Variants in RELL2 observed in about 807,000 individuals in gnomAD.
RELL2 encodes the protein RELT like 2, also known as RELT-like protein 2.
Under a neutral mutation model 27.5 loss-of-function variants are expected in RELL2, and 18 were observed. The observed-to-expected ratio is 0.65, with a 90% CI of 0.45 to 0.97. The LOEUF is 0.97. Among genes scored for constraint, RELL2 ranks in the 50% least tolerant of loss-of-function variants. The pLI, the probability that RELL2 is intolerant of heterozygous loss-of-function variation, is 0.00. For missense variants in RELL2, 370 were observed against 397.5 expected, an observed-to-expected ratio of 0.93 and a Z score of 0.59; for synonymous variants, 156 against 147.5, an observed-to-expected ratio of 1.06 and a Z score of -0.42.
In RELL2 at chr5:141,640,433, G is replaced by C; in HGVS notation, c.901G>C (p.Gly301Arg). The change falls in exon 6 of 7, where the codon GGG (glycine) becomes CGG (arginine). Residue 301 changes from glycine to arginine, a missense_variant. Gly to Arg is a moderately radical substitution (Grantham distance 125). Coordinates refer to ENST00000297164, the MANE Select transcript of RELL2 (RefSeq NM_173828.5). Reference sequence around the variant, plus strand: ...TCAGGTGTCTCTACCACAGGGAGCAGGGAGTATGTGAGGTGAGTCTGCCTG... The same window carrying C: ...TCAGGTGTCTCTACCACAGGGAGCACGGAGTATGTGAGGTGAGTCTGCCTG... ...DHQVSLPQGA[G>R]SM 6.2e-7 allele frequency: 1 copy of C among 1,614,182 alleles called. No homozygotes were observed. Among genetic ancestry groups the C allele is most frequent in the Non-Finnish European group, 8.5e-7 (1 of 1,180,012 alleles).
At chr5:141,640,372 C>A (rs2099906706) in intron 5 of RELL2, 40 bp from the exon 6 acceptor site, 1 of 1,614,140 alleles carries the variant, frequency 6.2e-7, no homozygotes, top group South Asian at 1.1e-5. Context: ...ATAGGACCTA[C>A]TCCTGGTCTC....
chr5:141,638,059 C>G lies in RELL2; in HGVS notation c.-167C>G. 1.6e-6 allele frequency: 1 copy of G among 608,454 alleles called. No individual in the cohort carries two copies. Among genetic ancestry groups the G allele is most frequent in the Non-Finnish European group, 2.9e-6 (1 of 342,150 alleles). The allele number at this position is 608,454 out of a possible 1,614,324, so 37.7% of individuals were successfully genotyped here. ...CGAAAGGCGAAACAGCACTCCTGGC[C>G]CGGACAGCTCCCTGGTTGGGTAGGG... On this transcript the variant is annotated 5_prime_UTR_variant, in exon 1 of 7. Transcript: ENST00000297164.
In RELL2 at chr5:141,640,043, A is replaced by G. The variant is rs765309159; in HGVS notation, c.627A>G (p.Gly209=). ...QDPGGGQGSG[G]GQPKAGMPAM... ...CAGGGGGTGGTCAGGGGTCTGGGGG[A>G]GGGCAGCCCAAGGCAGGGATGCCTG... Residue 209 remains glycine, a synonymous_variant, in exon 5 of 7, where the codon GGA becomes GGG. Coordinates refer to ENST00000297164, the MANE Select transcript of RELL2 (RefSeq NM_173828.5). 6.2e-7 allele frequency: 1 copy of G among 1,613,230 alleles called. No homozygotes were observed. The highest frequency in any genetic ancestry group is 1.1e-5 in the South Asian group (1 of 91,064).
Position 141,638,121 on chromosome 5 carries a change from C to G in RELL2, c.-105C>G. The G allele has an allele frequency of 1.3e-6, 1 of 746,854 alleles. No individual in the cohort carries two copies. The highest frequency in any genetic ancestry group is 2.3e-6 in the Non-Finnish European group (1 of 439,612). The allele number at this position is 746,854 out of a possible 1,614,324, so 46.3% of individuals were successfully genotyped here. A position where few individuals can be genotyped will look rare whatever the true frequency, so the allele number is the denominator to read the frequency against. Reference sequence around the variant, plus strand: ...ACCTCAGCCGGACGTCTTAGACGTGCTTGTTTCAGATCCTGAGGACGGCAT... The same window carrying G: ...ACCTCAGCCGGACGTCTTAGACGTGGTTGTTTCAGATCCTGAGGACGGCAT... On this transcript the variant is annotated 5_prime_UTR_variant, in exon 1 of 7. Coordinates refer to ENST00000297164, the MANE Select transcript of RELL2 (RefSeq NM_173828.5).
Position 141,638,283 on chromosome 5 carries a change from C to T in RELL2, c.58C>T (p.Leu20=), listed in dbSNP as rs2099906380. The change falls in exon 1 of 7, where the codon CTG becomes TTG. Residue 20 remains leucine, a synonymous_variant. Transcript: ENST00000297164. ...PPQHGLYMLF[L]LVLVFFLMGL... Reference sequence around the variant, plus strand: ...CCAACATGGGCTATATATGCTCTTCCTGCTTGTGCTGGTCTTCTTCCTCAT... The same window carrying T: ...CCAACATGGGCTATATATGCTCTTCTTGCTTGTGCTGGTCTTCTTCCTCAT... The T allele has an allele frequency of 2.5e-6, 4 of 1,613,944 alleles. No homozygotes were observed. Among genetic ancestry groups the T allele is most frequent in the Non-Finnish European group, 3.4e-6 (4 of 1,180,006 alleles).
At position 141,639,398 on chromosome 5, in the gene RELL2, C is replaced by T. The variant is rs1002461059; in HGVS notation, c.318-66C>T. On this transcript the variant is annotated intron_variant, in intron 3 of 6. Coordinates refer to ENST00000297164, the MANE Select transcript of RELL2 (RefSeq NM_173828.5). The surrounding 1 kb of genome is among the most constrained non-coding windows in gnomAD (Gnocchi z 4.4). Reference sequence around the variant, plus strand: ...GGTTTTAAGGAGCATGCTGAAAGAACGTAAGAAACAAAACATGAAGGGAAA... The same window carrying T: ...GGTTTTAAGGAGCATGCTGAAAGAATGTAAGAAACAAAACATGAAGGGAAA... 1.2e-5 allele frequency: 17 copies of T among 1,372,362 alleles called. No individual in the cohort carries two copies. In the African/African-American group the frequency reaches 1.5e-4, roughly 12 times the overall value. The allele number at this position is 1,372,362 out of a possible 1,614,324, so 85.0% of individuals were successfully genotyped here.
rs890385733 is a variant in RELL2 at position 141,638,092 on chromosome 5, C to A, written c.-134C>A. ...CTCCCTGGTTGGGTAGGGGGTGGGG[C>A]CGGACCTCAGCCGGACGTCTTAGAC... On this transcript the variant is annotated 5_prime_UTR_variant, in exon 1 of 7. Coordinates refer to ENST00000297164, the MANE Select transcript of RELL2 (RefSeq NM_173828.5). 3 of 665,702 alleles carry A rather than the reference C, an allele frequency of 4.5e-6. No individual in the cohort carries two copies. The highest frequency in any genetic ancestry group is 5.3e-6 in the Non-Finnish European group (2 of 378,780). 41.2% of individuals were successfully genotyped at this position (665,702 alleles called of 1,614,324 possible). A position where few individuals can be genotyped will look rare whatever the true frequency, so the allele number is the denominator to read the frequency against.
In RELL2 at chr5:141,639,674, G is replaced by A. The variant is rs773503771; in HGVS notation, c.503+25G>A. The A allele has an allele frequency of 3.2e-6, 5 of 1,579,532 alleles. No individual in the cohort carries two copies. Among genetic ancestry groups the A allele is most frequent in the African/African-American group, 1.4e-5 (1 of 73,494 alleles). ...GGTGGGGCAGGTGCTCCAGGGAAAG[G>A]GGGGCTGAGGTAGGGGGCCCAGTGA... On this transcript the variant is annotated intron_variant, in intron 4 of 6. Transcript: ENST00000297164. The surrounding 1 kb of genome is among the most constrained non-coding windows in gnomAD (Gnocchi z 4.4).
rs32956 is a variant in RELL2, at chr5:141,640,314, G to C, written c.879+19G>C. 220,679 of 1,613,694 alleles carry C rather than the reference G, an allele frequency of 0.14. 17,135 individuals carry two copies. The highest frequency in any genetic ancestry group is 0.31 in the African/African-American group (23,162 of 74,966). On this transcript the variant is annotated intron_variant, in intron 5 of 6. Transcript: ENST00000297164. ...TCACCAGGTAGGAAAACACAGCCGG[G>C]ACTGCACTGGGCTGGGCTCTTATTG...
In RELL2 at chr5:141,638,193, G is replaced by A; in HGVS notation, c.-33G>A. The A allele has an allele frequency of 6.4e-7, 1 of 1,568,856 alleles. No homozygotes were observed. Among genetic ancestry groups the A allele is most frequent in the Non-Finnish European group, 8.7e-7 (1 of 1,152,180 alleles). On this transcript the variant is annotated 5_prime_UTR_variant, in exon 1 of 7. Transcript: ENST00000297164. ...AGCTGCAGCCCCCTAAACCCAGGAG[G>A]CGCCCTGGCCCGCGCTCGCCCCCCA... is the stretch of plus-strand genomic sequence containing the variant.
Position 141,640,416 on chromosome 5 carries a change from C to T in RELL2, c.884C>T (p.Ser295Phe). 1 of 1,614,184 alleles carries T rather than the reference C, an allele frequency of 6.2e-7. No individual in the cohort carries two copies. The highest frequency in any genetic ancestry group is 8.5e-7 in the Non-Finnish European group (1 of 1,180,010). The change falls in exon 6 of 7, where the codon TCT (serine) becomes TTT (phenylalanine). Residue 295 changes from serine (S) to phenylalanine (F), a missense_variant. Transcript: ENST00000297164. ...SKPDTSDHQVSLPQGAGSM is the reference protein window; with the variant it reads ...SKPDTSDHQVFLPQGAGSM ...GACCCCTCCCCTTTCTCTCAGGTGT[C>T]TCTACCACAGGGAGCAGGGAGTATG...
chr5:141,638,921 C>A (rs1241682494), intron 2 of RELL2, 34 bp from the exon 3 acceptor site: 1 of 1,612,922 alleles, frequency 6.2e-7, no homozygotes. Context: ...TGACCTCCAC[C>A]TCCACTGACT....
intron 6 of RELL2, 26 bp downstream of exon 6, chr5:141,640,471 G>C: frequency 6.2e-7 from 1 of 1,614,102 alleles, no homozygotes. Context: ...CCCTAAATGA[G>C]GTAATCTCAT....
At position 141,641,023 on chromosome 5, in the gene RELL2, C is replaced by T. The variant is rs939809639; in HGVS notation, c.*354C>T. The stretch of plus-strand genomic sequence containing the variant: ...GAGGCCCAGGCCCTGGCCTGGCCTT[C>T]GTGCCCTTTATTCATTGTCAATAAA... On this transcript the variant is annotated 3_prime_UTR_variant, in exon 7 of 7. Transcript: ENST00000297164. 1 of 383,820 alleles carries T rather than the reference C, an allele frequency of 2.6e-6. No homozygotes were observed. The highest frequency in any genetic ancestry group is 4.7e-6 in the Non-Finnish European group (1 of 214,902). The allele number at this position is 383,820 out of a possible 1,614,324, so 23.8% of individuals were successfully genotyped here. A position where few individuals can be genotyped will look rare whatever the true frequency, so the allele number is the denominator to read the frequency against.
chr5:141,638,073 G>A lies in RELL2; in HGVS notation c.-153G>A, dbSNP rs2099906337. 1 of 629,424 alleles carries A rather than the reference G, an allele frequency of 1.6e-6. No individual in the cohort carries two copies. The highest frequency in any genetic ancestry group is 1.9e-5 in the South Asian group (1 of 53,874). 39.0% of individuals were successfully genotyped at this position (629,424 alleles called of 1,614,324 possible). ...GCACTCCTGGCCCGGACAGCTCCCTGGTTGGGTAGGGGGTGGGGCCGGACC... is the reference window on the plus strand; with the variant it reads ...GCACTCCTGGCCCGGACAGCTCCCTAGTTGGGTAGGGGGTGGGGCCGGACC... On this transcript the variant is annotated 5_prime_UTR_variant, in exon 1 of 7. Transcript: ENST00000297164.
Position 141,639,568 on chromosome 5 carries a change from C to A in RELL2, c.422C>A (p.Pro141His). Residue 141 changes from proline (P) to histidine (H), a missense_variant, in exon 4 of 7, where the codon CCT (proline) becomes CAT (histidine). By Grantham distance (77) the Pro-to-His change is moderately conservative. Transcript: ENST00000297164. The surrounding 1 kb of genome is among the most constrained non-coding windows in gnomAD (Gnocchi z 4.4). ...CTCCATTGCAGCCGCAGCAAGAGGC[C>A]TCCACTTGTCCGTCAGGGACGCTCC... is the stretch of plus-strand genomic sequence containing the variant. The part of the protein sequence containing the change: ...PCLHCSRSKR[P>H]PLVRQGRSKE... 1.2e-6 allele frequency: 2 copies of A among 1,614,060 alleles called. No individual in the cohort carries two copies. The highest frequency in any genetic ancestry group is 1.7e-6 in the Non-Finnish European group (2 of 1,180,014).
Position 141,640,161 on chromosome 5 carries a change from C to T in RELL2, c.745C>T (p.Pro249Ser). Residue 249 changes from proline to serine, a missense_variant, in exon 5 of 7, where the codon CCT becomes TCT. Physicochemically the swap from Pro to Ser is moderately conservative, Grantham distance 74 (BLOSUM62 -1). Transcript: ENST00000297164. Reference sequence around the variant, plus strand: ...AGGACTCAGGGACAGCAGCCTAACCCCTCGTGCACTTGAAGGGAACCCCAG... The same window carrying T: ...AGGACTCAGGGACAGCAGCCTAACCTCTCGTGCACTTGAAGGGAACCCCAG... ...NGGLRDSSLT[P>S]RALEGNPRAS... The T allele has an allele frequency of 6.2e-7, 1 of 1,614,154 alleles. No homozygotes were observed. Among genetic ancestry groups the T allele is most frequent in the Non-Finnish European group, 8.5e-7 (1 of 1,179,998 alleles).
Position 141,639,785 on chromosome 5 carries a change from C to G in RELL2, c.504-135C>G. 7.7e-7 allele frequency: 1 copy of G among 1,292,534 alleles called. No individual in the cohort carries two copies. Among genetic ancestry groups the G allele is most frequent in the Non-Finnish European group, 1.1e-6 (1 of 915,908 alleles). The allele number at this position is 1,292,534 out of a possible 1,614,324, so 80.1% of individuals were successfully genotyped here. ...AGAAGTCAGGCTACACAATGTGCCC[C>G]ACAATCTGAGAAGGCCTCCCCTACC... On this transcript the variant is annotated intron_variant, in intron 4 of 6. Transcript: ENST00000297164. The surrounding 1 kb of genome is among the most constrained non-coding windows in gnomAD (Gnocchi z 4.4).
chr5:141,638,950 C>G lies in RELL2; in HGVS notation c.251-5C>G, dbSNP rs779548115. On this transcript the variant is annotated splice_region_variant and splice_polypyrimidine_tract_variant and intron_variant, in intron 2 of 6. Coordinates refer to ENST00000297164, the MANE Select transcript of RELL2 (RefSeq NM_173828.5). ...ACTGACTCCCTCTTTTCCTTCTTCC[C>G]TCAGCCAATGCTGAGGCCTTGAAGG... 6.2e-7 allele frequency: 1 copy of G among 1,614,096 alleles called. No individual in the cohort carries two copies. Among genetic ancestry groups the G allele is most frequent in the Admixed American group, 1.7e-5 (1 of 60,020 alleles).
Sources: allele counts gnomAD v4.1 joint callset, GRCh38; gene constraint gnomAD v4.1.1; non-coding constraint Gnocchi (gnomAD v3.1); transcripts MANE v1.5; gene names NCBI Gene and HGNC (gene_info 2026-07-23, HGNC 2026-07-21).